FRMD4A: variants seen among roughly 807,000 people sequenced by gnomAD.
FRMD4A encodes the protein FERM domain-containing protein 4A.
Under a neutral mutation model 129.1 loss-of-function variants are expected in FRMD4A, and 29 were observed. That is an observed-to-expected ratio of 0.22 (90% CI 0.17 to 0.31). The LOEUF is 0.31. FRMD4A is among the 10% of genes least tolerant of loss of function. The probability of loss-of-function intolerance (pLI) is 1.00; values close to 1 mark genes in which losing one functional copy is unlikely to be tolerated. For missense variants in FRMD4A, 1,272 were observed against 1,375.8 expected, an observed-to-expected ratio of 0.92 and a Z score of 1.19; for synonymous variants, 634 against 571.6, an observed-to-expected ratio of 1.11 and a Z score of -1.56.
chr10:14,241,491 T>C (rs951095051), intron 2 of FRMD4A, among the ~76,000 whole-genome samples: 1 of 151,930 alleles, frequency 6.6e-6, no homozygotes, highest in Non-Finnish European at 1.5e-5. Context: ...GTTTAAATTA[T>C]GAGTTTATTT....
intron 9 of FRMD4A, 105 bp from the exon 10 acceptor site, chr10:13,740,682 G>T: frequency 3.0e-6 from 2 of 666,542 alleles, no homozygotes; most frequent in Non-Finnish European, 2.7e-6. Context: ...AAGCTCCAAG[G>T]CACCAACAGC....
chr10:14,226,888 G>C (rs896263726), intron 2 of FRMD4A, among the ~76,000 whole-genome samples: 2 of 152,042 alleles, frequency 1.3e-5, no homozygotes, highest in African/African-American at 4.8e-5. Context: ...GACCCCAATC[G>C]ACTCTTCACA....
intron 24 of FRMD4A, among the ~76,000 whole-genome samples, chr10:13,649,907 G>C (rs1485691065): frequency 6.6e-6 from 1 of 152,234 alleles, no homozygotes; most frequent in African/African-American, 2.4e-5. Context: ...ACTGGAACAT[G>C]AGCTGGGGCA....
intron 2 of FRMD4A, among the ~76,000 whole-genome samples, chr10:14,226,814 A>G (rs1843453556): frequency 6.6e-6 from 1 of 152,152 alleles, no homozygotes; most frequent in Non-Finnish European, 1.5e-5. Context: ...GTTGGCGTTC[A>G]TCATTCCTTC....
chr10:13,858,318 C>G (rs996857653), intron 3 of FRMD4A, among the ~76,000 whole-genome samples: 8 of 152,124 alleles, frequency 5.3e-5, no homozygotes, highest in Non-Finnish European at 1.0e-4. Flanking sequence ...GCCTGTAATC[C>G]CAGCTACTTG....
intron 2 of FRMD4A, among the ~76,000 whole-genome samples, chr10:14,285,460 A>G (rs1845652322): frequency 6.6e-6 from 1 of 152,238 alleles, no homozygotes; most frequent in Non-Finnish European, 1.5e-5. Flanking sequence ...GGAGTTTTAC[A>G]AGATTTCACT....
At chr10:13,734,094 CCA>C (rs1441454270) in intron 12 of FRMD4A, among the ~76,000 whole-genome samples, 2 of 152,208 alleles carry the variant, frequency 1.3e-5, no homozygotes, top group Non-Finnish European at 2.9e-5. Flanking sequence ...CTCTCAGCGT[CCA>C]CACTCTGGTG....
At chr10:13,661,717 G>A (rs183754498) in intron 19 of FRMD4A, among the ~76,000 whole-genome samples, 3 of 152,274 alleles carry the variant, frequency 2.0e-5, no homozygotes, top group East Asian at 1.9e-4. Context: ...GCTAGGGCAG[G>A]TCAGCATTGA....
intron 16 of FRMD4A, among the ~76,000 whole-genome samples, chr10:13,670,920 G>C (rs548593417): frequency 1.3e-5 from 2 of 152,094 alleles, no homozygotes; most frequent in Non-Finnish European, 2.9e-5. Flanking sequence ...GTGAGTTCTC[G>C]GGCCTCTCTA....
intron 2 of FRMD4A, among the ~76,000 whole-genome samples, chr10:14,105,709 T>C (rs116683956): frequency 0.011 from 1,668 of 152,336 alleles, 35 homozygotes; most frequent in African/African-American, 0.037. Flanking sequence ...TAAATAGTGA[T>C]TGACTGGTAT....
chr10:13,880,469 T>C lies in FRMD4A; in HGVS notation c.46-21557A>G, dbSNP rs146643454. Among the ~76,000 whole-genome samples, 6 of 152,282 alleles carry C rather than the reference T, an allele frequency of 3.9e-5. 1 individual carries two copies. The East Asian group carries it at 1.2e-3, about 29-fold the overall frequency. On this transcript the variant is annotated intron_variant, in intron 2 of 24. Coordinates refer to ENST00000357447, the MANE Select transcript of FRMD4A (RefSeq NM_018027.5). ...AATGTGCTTCCAACTCTGCCCACCT[T>C]GCAATCTCACCCACACGGCACCCAA...
intron 6 of FRMD4A, among the ~76,000 whole-genome samples, chr10:13,777,968 A>G (rs902847426): frequency 1.1e-4 from 17 of 151,724 alleles, no homozygotes; most frequent in Non-Finnish European, 2.1e-4. Context: ...ACGCCCGGCT[A>G]ACTTTTGTAT....
intron 3 of FRMD4A, among the ~76,000 whole-genome samples, chr10:13,831,511 G>T (rs2093789753): frequency 6.6e-6 from 1 of 152,218 alleles, no homozygotes; most frequent in Admixed American, 6.5e-5. Context: ...TGAAGTCACA[G>T]ACTTGGACTG....
chr10:14,147,282 A>T (rs1035045651), intron 2 of FRMD4A, among the ~76,000 whole-genome samples: 2 of 152,100 alleles, frequency 1.3e-5, no homozygotes, highest in Non-Finnish European at 2.9e-5. Flanking sequence ...TAAGAGTGGG[A>T]GAGTTGCCTC....
At chr10:14,033,134 C>G (rs1833328748) in intron 2 of FRMD4A, among the ~76,000 whole-genome samples, 1 of 152,068 alleles carries the variant, frequency 6.6e-6, no homozygotes, top group Non-Finnish European at 1.5e-5. Flanking sequence ...TGGTGAAACC[C>G]TGTCTCTACT....
chr10:14,294,969 C>T (rs1845963803), intron 2 of FRMD4A, among the ~76,000 whole-genome samples: 1 of 152,136 alleles, frequency 6.6e-6, no homozygotes, highest in African/African-American at 2.4e-5. Flanking sequence ...AGCTGGGATT[C>T]CCTGCTTTTT....
chr10:14,284,648 G>A lies in FRMD4A; in HGVS notation c.45+45410C>T, dbSNP rs141815351. Among the ~76,000 whole-genome samples, 622 of 152,204 alleles carry A rather than the reference G, an allele frequency of 4.1e-3. 5 individuals carry two copies. Among genetic ancestry groups the A allele is most frequent in the African/African-American group, 0.014 (574 of 41,514 alleles). ...AGCCTGGGCGACAGAGGGAAACTCCGTCTCAAACAAACAAACAAAAAATTG... is the reference window on the plus strand; with the variant it reads ...AGCCTGGGCGACAGAGGGAAACTCCATCTCAAACAAACAAACAAAAAATTG... On this transcript the variant is annotated intron_variant, in intron 2 of 24. Transcript: ENST00000357447.
At chr10:13,777,117 A>G (rs2092613989) in intron 6 of FRMD4A, among the ~76,000 whole-genome samples, 1 of 152,208 alleles carries the variant, frequency 6.6e-6, no homozygotes, top group South Asian at 2.1e-4. Flanking sequence ...ATGCCTGGGA[A>G]AAGAACCTGG....
At chr10:13,865,386 CTTTATTTTA>C (rs1221612563) in intron 2 of FRMD4A, among the ~76,000 whole-genome samples, 5 of 141,022 alleles carry the variant, frequency 3.5e-5, no homozygotes, top group Middle Eastern at 3.7e-3. Flanking sequence ...ATCAGGCTTA[CTTTATTTTA>C]TTTATTTTAT....
Sources: allele counts gnomAD v4.1 joint callset (sites outside exome capture counted in the v4.1 genomes callset), GRCh38; gene constraint gnomAD v4.1.1; transcripts MANE v1.5; gene names NCBI Gene and HGNC (gene_info 2026-07-23, HGNC 2026-07-21).